The following SLC35F1 variants were observed in gnomAD, a reference collection of about 807,000 sequenced individuals.
SLC35F1 encodes chromosome 6 open reading frame 169.
In SLC35F1, 14 loss-of-function variants were observed where a neutral mutation model predicts 48.7. The observed-to-expected ratio is 0.29, with a 90% CI of 0.19 to 0.45. The LOEUF is 0.45. Ranked by LOEUF, SLC35F1 falls within the 20% of genes least tolerant of loss-of-function variation. The pLI is 1.00. For synonymous variants in SLC35F1, 190 were observed against 202.2 expected, an observed-to-expected ratio of 0.94 and a Z score of 0.51; for missense variants, 404 against 500.0, an observed-to-expected ratio of 0.81 and a Z score of 1.83.
intron 2 of SLC35F1, among the ~76,000 whole-genome samples, chr6:118,165,901 A>G (rs1473815233): frequency 2.0e-5 from 3 of 152,218 alleles, no homozygotes; most frequent in Admixed American, 2.0e-4. Context: ...GTTTATAACC[A>G]GAATTCCAAA....
chr6:118,275,699 T>C, intron 5 of SLC35F1, 84 bp downstream of exon 5: 1 of 1,371,276 alleles, frequency 7.3e-7, no homozygotes. Flanking sequence ...GATGTAAAAA[T>C]CAAGGCTGGA....
intron 1 of SLC35F1, among the ~76,000 whole-genome samples, chr6:118,151,994 A>G (rs986772166): frequency 2.0e-5 from 3 of 152,072 alleles, no homozygotes; most frequent in Non-Finnish European, 2.9e-5. Context: ...GCCTGGCTGT[A>G]GACACAGTGA....
At chr6:117,908,452 C>G (rs1775723432) in intron 1 of SLC35F1, among the ~76,000 whole-genome samples, 1 of 152,246 alleles carries the variant, frequency 6.6e-6, no homozygotes, top group African/African-American at 2.4e-5. Flanking sequence ...CCAGTCGCCT[C>G]TCGGACTCTT....
intron 1 of SLC35F1, among the ~76,000 whole-genome samples, chr6:117,932,328 T>C (rs1288734907): frequency 6.6e-6 from 1 of 152,170 alleles, no homozygotes; most frequent in Non-Finnish European, 1.5e-5. Context: ...TACATTTCAA[T>C]TTTTTTGACC....
intron 1 of SLC35F1, among the ~76,000 whole-genome samples, chr6:117,923,323 C>A (rs74583845): frequency 0.02 from 3,028 of 151,904 alleles, 41 homozygotes; most frequent in Non-Finnish European, 0.032. Context: ...GGCAGACAGC[C>A]CATGCAGAGT....
chr6:118,269,481 T>G (rs1775822847), intron 4 of SLC35F1, among the ~76,000 whole-genome samples: 1 of 152,172 alleles, frequency 6.6e-6, no homozygotes, highest in South Asian at 2.1e-4. Flanking sequence ...AAAATTATGA[T>G]TGGACATGCT....
chr6:118,138,266 C>A (rs1336626586), intron 1 of SLC35F1, among the ~76,000 whole-genome samples: 1 of 151,428 alleles, frequency 6.6e-6, no homozygotes, highest in Admixed American at 6.6e-5. Context: ...CATGATCACA[C>A]CACTGCACTT....
Position 117,918,669 on chromosome 6 carries a change from G to A in SLC35F1, c.173+10770G>A, listed in dbSNP as rs577344177. ...TATGTGTAAAGTTGACATTTGTGGT[G>A]GGGATTCAGTAGAGGGCGTGATGAG... On this transcript the variant is annotated intron_variant, in intron 1 of 7. Coordinates refer to ENST00000360388, the MANE Select transcript of SLC35F1 (RefSeq NM_001029858.4). 1.5e-4 allele frequency among the ~76,000 whole-genome samples: 23 copies of A among 152,236 alleles called. No individual in the cohort carries two copies. In the South Asian group the frequency reaches 3.9e-3, roughly 26 times the overall value.
intron 1 of SLC35F1, among the ~76,000 whole-genome samples, chr6:118,143,128 G>C (rs1225959319): frequency 6.6e-6 from 1 of 152,114 alleles, no homozygotes; most frequent in Non-Finnish European, 1.5e-5. Context: ...TAAAAATGTA[G>C]TAAATAAGTG....
chr6:118,215,936 G>T (rs557314641), intron 2 of SLC35F1, among the ~76,000 whole-genome samples: 518 of 152,234 alleles, frequency 3.4e-3, no homozygotes, highest in Non-Finnish European at 4.7e-3. Context: ...AAATTCATTT[G>T]ACAGGCAATG....
Position 118,054,683 on chromosome 6 carries a change from G to C in SLC35F1, c.174-99762G>C, listed in dbSNP as rs190635461. On this transcript the variant is annotated intron_variant, in intron 1 of 7. Transcript: ENST00000360388. ...TAACTCACCCTCTTCAGTTAGAACC[G>C]ATGGGTAGCAGATTTAACATGCTGA... Among the ~76,000 whole-genome samples, 75 of 152,260 alleles carry C rather than the reference G, an allele frequency of 4.9e-4. 2 individuals are homozygous for C. The South Asian group carries it at 0.015, about 30-fold the overall frequency.
intron 7 of SLC35F1, among the ~76,000 whole-genome samples, chr6:118,300,694 A>G (rs1202047042): frequency 6.6e-6 from 1 of 152,162 alleles, no homozygotes; most frequent in African/African-American, 2.4e-5. Flanking sequence ...TAAGTTTTTC[A>G]TTGTTTCTGT....
intron 7 of SLC35F1, among the ~76,000 whole-genome samples, chr6:118,311,722 T>C (rs1441587085): frequency 2.0e-5 from 3 of 152,152 alleles, no homozygotes; most frequent in Non-Finnish European, 4.4e-5. Context: ...TTCTGGAAGA[T>C]TGATGCTGCG....
intron 1 of SLC35F1, among the ~76,000 whole-genome samples, chr6:117,916,062 G>A (rs1404390772): frequency 1.3e-5 from 2 of 152,232 alleles, no homozygotes; most frequent in Non-Finnish European, 2.9e-5. Context: ...AGGGTGCTGA[G>A]TGAGCTAGAG....
chr6:118,264,554 T>G (rs1001236560), intron 3 of SLC35F1, among the ~76,000 whole-genome samples: 1 of 152,218 alleles, frequency 6.6e-6, no homozygotes, highest in African/African-American at 2.4e-5. Flanking sequence ...ACTCATCAAG[T>G]GCTTTGGCTT....
At chr6:117,920,601 A>T (rs1455640173) in intron 1 of SLC35F1, among the ~76,000 whole-genome samples, 2 of 152,180 alleles carry the variant, frequency 1.3e-5, no homozygotes, top group African/African-American at 4.8e-5. Context: ...GCTAGATGGG[A>T]GGAGTTAGAG....
intron 1 of SLC35F1, among the ~76,000 whole-genome samples, chr6:118,015,287 G>T (rs1777305518): frequency 6.6e-6 from 1 of 152,028 alleles, no homozygotes; most frequent in Non-Finnish European, 1.5e-5. Context: ...CCTCCGGAGA[G>T]ATTGTTTTTT....
In SLC35F1 at chr6:118,157,343, C is replaced by T. The variant is rs564842083; in HGVS notation, c.349+2723C>T. On this transcript the variant is annotated intron_variant, in intron 2 of 7. Coordinates refer to ENST00000360388, the MANE Select transcript of SLC35F1 (RefSeq NM_001029858.4). Reference sequence around the variant, plus strand: ...AAACCCTGAATAGGAAACCAGCCCTCAGTGTAAGATGTAGTGAGATACCAC... The same window carrying T: ...AAACCCTGAATAGGAAACCAGCCCTTAGTGTAAGATGTAGTGAGATACCAC... 1.5e-4 allele frequency among the ~76,000 whole-genome samples: 23 copies of T among 152,150 alleles called. No homozygotes were observed. In the South Asian group the frequency reaches 4.6e-3, roughly 30 times the overall value.
At chr6:118,046,960 T>TA (rs1407021027) in intron 1 of SLC35F1, among the ~76,000 whole-genome samples, 7 of 1,816 alleles carry the variant, frequency 3.9e-3, no homozygotes, top group African/African-American at 4.6e-3. Context: ...ATTTTTGAGA[T>TA]ATAAAAAAAT....
Sources: allele counts gnomAD v4.1 joint callset (sites outside exome capture counted in the v4.1 genomes callset), GRCh38; gene constraint gnomAD v4.1.1; transcripts MANE v1.5; gene names NCBI Gene and HGNC (gene_info 2026-07-23, HGNC 2026-07-21).